The following AGBL5 variants were observed in gnomAD, a reference collection of about 807,000 sequenced individuals.
AGBL5 encodes the protein AGBL carboxypeptidase 5, also known as cytosolic carboxypeptidase-like protein 5.
A neutral mutation model predicts 88.0 loss-of-function variants in AGBL5; 51 were observed. That is an observed-to-expected ratio of 0.58 (90% CI 0.46 to 0.73). The LOEUF is 0.73. Ranked by LOEUF, AGBL5 falls within the 30% of genes least tolerant of loss-of-function variation. AGBL5 has a pLI of 0.00. For missense variants in AGBL5, 1,031 were observed against 1,162.2 expected (o/e 0.89, Z 1.64); for synonymous variants, 446 against 438.8 (o/e 1.02, Z -0.21).
At chr2:27,060,693 C>A (rs1214810626) in intron 11 of AGBL5, among the ~76,000 whole-genome samples, 1 of 152,152 alleles carries the variant, frequency 6.6e-6, no homozygotes, top group Non-Finnish European at 1.5e-5. Context: ...ATGGTCCTTA[C>A]CAGCTGTGAC....
intron 12 of AGBL5, 73 bp from the exon 13 acceptor site, chr2:27,068,559 A>C: frequency 7.3e-7 from 1 of 1,378,930 alleles, no homozygotes; most frequent in South Asian, 1.2e-5. Flanking sequence ...CAAGGTTAAG[A>C]AACCCTGATC....
At chr2:27,069,174 C>A in intron 13 of AGBL5, 1 of 1,344,654 alleles carries the variant, frequency 7.4e-7, no homozygotes, top group South Asian at 1.2e-5. Context: ...CTAGGTAAAG[C>A]TGAGTATAGG....
chr2:27,059,204 CCTG>C lies in AGBL5; in HGVS notation c.1892_1894del (p.Cys631del), dbSNP rs749251916. ...CTTCTTTGCAGTGGGTTGCCTGTCTCCTGCTCCGAAAACACCTTGAGTCGGGCA... is the reference window on the plus strand; with the variant it reads ...CTTCTTTGCAGTGGGTTGCCTGTCTCCTCCGAAAACACCTTGAGTCGGGCA... On this transcript the variant is annotated inframe_deletion, in exon 11 of 15. Coordinates refer to ENST00000360131, the MANE Select transcript of AGBL5 (RefSeq NM_021831.6). 2.7e-5 allele frequency: 43 copies of C among 1,613,550 alleles called. No individual in the cohort carries two copies. The highest frequency in any genetic ancestry group is 3.6e-5 in the Non-Finnish European group (42 of 1,179,852).
intron 13 of AGBL5, 57 bp from the exon 14 acceptor site, chr2:27,069,516 A>G (rs1669168678): frequency 5.7e-6 from 9 of 1,589,366 alleles, no homozygotes; most frequent in Non-Finnish European, 7.7e-6. Flanking sequence ...GAAGCAAACT[A>G]AAAGCAAAAA....
intron 8 of AGBL5, 165 bp from the exon 9 acceptor site, chr2:27,057,138 G>A (rs1332808135): frequency 2.8e-6 from 2 of 703,118 alleles, no homozygotes. Context: ...CTGGGTATAT[G>A]GTACAGTACC....
rs745474264 is a variant in AGBL5, at chr2:27,053,518, G to A, written c.332G>A (p.Arg111His). 8.1e-6 allele frequency: 13 copies of A among 1,614,060 alleles called. No individual in the cohort carries two copies. The highest frequency in any genetic ancestry group is 1.7e-5 in the Admixed American group (1 of 60,020). ...LYSQGMAPFV[R>H]TLPTRPRWER... Reference sequence around the variant, plus strand: ...TCCCAGGGCATGGCCCCCTTTGTGCGCACACTGCCCACCCGGCCACGCTGG... The same window carrying A: ...TCCCAGGGCATGGCCCCCTTTGTGCACACACTGCCCACCCGGCCACGCTGG... The change falls in exon 3 of 15, where the codon CGC becomes CAC. Residue 111 changes from arginine to histidine, a missense_variant. Transcript: ENST00000360131. This position sits in a 1 kb window ranked among gnomAD's most constrained non-coding sequence, Gnocchi z 4.9.
chr2:27,055,806 C>T lies in AGBL5; in HGVS notation c.1033C>T (p.Gln345Ter). ...YHHVHSRLNS[Q>*]SSSEHQPSSC... is the part of the protein sequence containing the mutation. The stretch of plus-strand genomic sequence containing the variant: ...CCATGTGCACTCTCGTCTGAACTCC[C>T]AGAGTTCCTCTGAGCACCAGCCCAG... The change falls in exon 7 of 15, where the codon CAG (glutamine) becomes TAG (stop). Residue 345 changes from glutamine (Q) to a stop codon, truncating the protein, a stop_gained. Transcript: ENST00000360131. LOFTEE classifies it high-confidence loss of function. The T allele has an allele frequency of 6.2e-7, 1 of 1,614,218 alleles. No individual in the cohort carries two copies. Among genetic ancestry groups the T allele is most frequent in the Non-Finnish European group, 8.5e-7 (1 of 1,180,040 alleles).
chr2:27,069,955 A>T (rs1423507308), intron 14 of AGBL5, 137 bp from the exon 15 acceptor site: 16 of 1,504,462 alleles, frequency 1.1e-5, no homozygotes, highest in Admixed American at 2.3e-5. Flanking sequence ...GCGTCAAACC[A>T]CTGTGCAGTA....
intron 11 of AGBL5, among the ~76,000 whole-genome samples, chr2:27,066,807 G>A (rs184699720): frequency 9.9e-5 from 15 of 152,080 alleles, no homozygotes; most frequent in Admixed American, 3.3e-4. Flanking sequence ...TAGGCTGGGC[G>A]CGGTGGCTCA....
intron 11 of AGBL5, among the ~76,000 whole-genome samples, chr2:27,059,701 G>A (rs1381418000): frequency 6.6e-6 from 1 of 152,190 alleles, no homozygotes; most frequent in Non-Finnish European, 1.5e-5. Context: ...AACAGGACAT[G>A]GAGCCTCCAC....
At chr2:27,050,712 C>T (rs924277293), upstream of AGBL5, among the ~76,000 whole-genome samples, 14 of 152,148 alleles carry the variant, frequency 9.2e-5, no homozygotes, top group South Asian at 2.1e-4. Flanking sequence ...CTGGAGAAAG[C>T]GGGGGTCATG....
intron 11 of AGBL5, among the ~76,000 whole-genome samples, chr2:27,067,083 A>AAAAAC (rs1255780406): frequency 6.6e-6 from 1 of 151,524 alleles, no homozygotes; most frequent in Non-Finnish European, 1.5e-5. Context: ...ACTCTGTCTC[A>AAAAAC]AAAACAAAAC....
At chr2:27,069,751 C>T in intron 14 of AGBL5, 45 bp downstream of exon 14, 1 of 1,567,378 alleles carries the variant, frequency 6.4e-7, no homozygotes, top group Non-Finnish European at 8.7e-7. Context: ...TCACTTCTGT[C>T]CCCTCATTCC....
In AGBL5 at chr2:27,067,849, T is replaced by C. The variant is rs559426280; in HGVS notation, c.2242+203T>C. The C allele has an allele frequency of 1.1e-4, 77 of 678,026 alleles. No individual in the cohort carries two copies. In the African/African-American group the frequency reaches 1.2e-3, roughly 11 times the overall value. 42.0% of individuals were successfully genotyped at this position (678,026 alleles called of 1,614,324 possible). On this transcript the variant is annotated intron_variant, in intron 12 of 14. Transcript: ENST00000360131. ...CAATAGTTAACATTTACTGAACATT[T>C]ACTATGTGCCAGGCACTGCTCTACA...
intron 12 of AGBL5, 88 bp downstream of exon 12, chr2:27,067,734 G>T (rs769871485): frequency 2.4e-5 from 34 of 1,401,508 alleles, no homozygotes; most frequent in Non-Finnish European, 3.1e-5. Context: ...GAGACCAGGG[G>T]CATCACTTAT....
intron 8 of AGBL5, 168 bp from the exon 9 acceptor site, chr2:27,057,135 T>C: frequency 4.4e-6 from 3 of 684,016 alleles, no homozygotes; most frequent in Non-Finnish European, 7.2e-6. Flanking sequence ...TCTCTGGGTA[T>C]ATGGTACAGT....
chr2:27,051,495 C>G (rs1022317869), upstream of AGBL5: 2 of 152,244 alleles, frequency 1.3e-5, no homozygotes, highest in Non-Finnish European at 2.9e-5. Context: ...TTCCGGAAGA[C>G]GCTGCTAGAA....
chr2:27,063,475 G>C (rs1010115623), intron 11 of AGBL5, among the ~76,000 whole-genome samples: 1 of 151,974 alleles, frequency 6.6e-6, no homozygotes, highest in Non-Finnish European at 1.5e-5. Context: ...GGTGCCTGTA[G>C]TCCCAGCTAC....
In AGBL5 at chr2:27,059,251, A is replaced by G. The variant is rs757878198; in HGVS notation, c.1936A>G (p.Thr646Ala). Reference protein sequence around the residue: ...LSRARSFSTGTSAGGSSSSQQ... With the variant: ...LSRARSFSTGASAGGSSSSQQ... The stretch of plus-strand genomic sequence containing the variant: ...TCGGGCACGAAGTTTTAGCACCGGC[A>G]CAAGTGCCGGTGGTAGCAGCAGCAG... The change falls in exon 11 of 15, where the codon ACA becomes GCA. Residue 646 changes from threonine (T) to alanine (A), a missense_variant. By Grantham distance (58) the Thr-to-Ala change is moderately conservative. Coordinates refer to ENST00000360131, the MANE Select transcript of AGBL5 (RefSeq NM_021831.6). The G allele has an allele frequency of 6.2e-7, 1 of 1,614,246 alleles. No individual in the cohort carries two copies. The highest frequency in any genetic ancestry group is 8.5e-7 in the Non-Finnish European group (1 of 1,180,046).
Sources: allele counts gnomAD v4.1 joint callset (sites outside exome capture counted in the v4.1 genomes callset), GRCh38; gene constraint gnomAD v4.1.1; non-coding constraint Gnocchi (gnomAD v3.1); transcripts MANE v1.5; gene names NCBI Gene and HGNC (gene_info 2026-07-23, HGNC 2026-07-21).